The following ZCCHC24 variants were observed in gnomAD, a reference collection of about 807,000 sequenced individuals.
ZCCHC24 encodes zinc finger CCHC-type containing 24.
Under a neutral mutation model 26.2 loss-of-function variants are expected in ZCCHC24, and 10 were observed. The observed-to-expected ratio is 0.38, with a 90% CI of 0.24 to 0.65. The LOEUF (loss-of-function observed/expected upper bound fraction) is 0.65, where lower values mean the gene tolerates loss of function less well. ZCCHC24 is among the 30% of genes least tolerant of loss of function. The pLI is 0.54. For missense variants in ZCCHC24, 243 were observed against 329.1 expected (o/e 0.74, Z 2.03); for synonymous variants, 144 against 147.1 (o/e 0.98, Z 0.15).
At chr10:79,416,694 T>TTTTTTGCAC (rs1422727790) in intron 2 of ZCCHC24, among the ~76,000 whole-genome samples, 1 of 152,106 alleles carries the variant, frequency 6.6e-6, no homozygotes, top group Non-Finnish European at 1.5e-5. Context: ...TTTTTGCACA[T>TTTTTTGCAC]ATTTATGACA....
rs910722393 is a variant in ZCCHC24, at chr10:79,422,946, G to A, written c.447+9612C>T. Among the ~76,000 whole-genome samples the A allele has an allele frequency of 5.3e-5, 8 of 152,144 alleles. No homozygotes were observed. The East Asian group carries it at 9.6e-4, about 18-fold the overall frequency. On this transcript the variant is annotated intron_variant, in intron 2 of 3. Coordinates refer to ENST00000372336, the MANE Select transcript of ZCCHC24 (RefSeq NM_153367.4). ...CTGGGCATGGCTGGGCCTGACAGCC[G>A]TGAAGGGCAAAGAGACAGCTTAGGA...
intron 1 of ZCCHC24, among the ~76,000 whole-genome samples, chr10:79,437,732 A>G (rs930805779): frequency 4.6e-5 from 7 of 152,224 alleles, no homozygotes; most frequent in African/African-American, 1.7e-4. Flanking sequence ...GGCCCTGGGC[A>G]TGGTGGTTCT....
intron 3 of ZCCHC24, among the ~76,000 whole-genome samples, chr10:79,391,154 C>T (rs1470996776): frequency 2.0e-5 from 3 of 152,152 alleles, no homozygotes; most frequent in Non-Finnish European, 4.4e-5. Flanking sequence ...ACAGTAGGTG[C>T]TCAACAGTGG....
At chr10:79,386,910 G>C (rs1856405416) in intron 3 of ZCCHC24, among the ~76,000 whole-genome samples, 1 of 152,156 alleles carries the variant, frequency 6.6e-6, no homozygotes, top group African/African-American at 2.4e-5. Flanking sequence ...CAGCCTGTCA[G>C]ATGAGGAAAC....
intron 2 of ZCCHC24, among the ~76,000 whole-genome samples, chr10:79,413,779 T>TGAGAGAGA (rs35633486): frequency 1.4e-5 from 2 of 146,672 alleles, no homozygotes; most frequent in African/African-American, 5.0e-5. Flanking sequence ...TGTGTGTGTG[T>TGAGAGAGA]GAGAGAGAGA....
At chr10:79,392,936 G>T (rs1856498935) in intron 3 of ZCCHC24, among the ~76,000 whole-genome samples, 1 of 152,140 alleles carries the variant, frequency 6.6e-6, no homozygotes, top group African/African-American at 2.4e-5. Flanking sequence ...CTCCTCTGTG[G>T]TCTCTATACC....
chr10:79,413,760 A>ATGTG (rs142243601), intron 2 of ZCCHC24, among the ~76,000 whole-genome samples: 29,625 of 144,072 alleles, frequency 0.21, 2,993 homozygotes, highest in Non-Finnish European at 0.22. Flanking sequence ...GTGCGTGCGC[A>ATGTG]TGTGTGTGTG....
In ZCCHC24 at chr10:79,444,041, C is replaced by A. The variant is rs567359094; in HGVS notation, c.246+1154G>T. The A allele has an allele frequency of 1.8e-4, 264 of 1,503,940 alleles. 4 individuals carry two copies. In the South Asian group the frequency reaches 3.3e-3, roughly 19 times the overall value. The allele number at this position is 1,503,940 out of a possible 1,614,324, so 93.2% of individuals were successfully genotyped here. A position where few individuals can be genotyped will look rare whatever the true frequency, so the allele number is the denominator to read the frequency against. Reference sequence around the variant, plus strand: ...CCTCCCTCTCTTACCCCCAGCACACCCTTGCGTACATAGGCTTTCCTCCCC... The same window carrying A: ...CCTCCCTCTCTTACCCCCAGCACACACTTGCGTACATAGGCTTTCCTCCCC... On this transcript the variant is annotated intron_variant, in intron 1 of 3. Coordinates refer to ENST00000372336, the MANE Select transcript of ZCCHC24 (RefSeq NM_153367.4).
intron 3 of ZCCHC24, among the ~76,000 whole-genome samples, chr10:79,391,666 C>G (rs1455324857): frequency 6.6e-6 from 1 of 151,944 alleles, no homozygotes; most frequent in Non-Finnish European, 1.5e-5. Flanking sequence ...TCCTCCCCTG[C>G]TCCCTCCCAG....
chr10:79,407,809 C>T (rs185541966), intron 2 of ZCCHC24, among the ~76,000 whole-genome samples: 114 of 152,320 alleles, frequency 7.5e-4, no homozygotes, highest in Non-Finnish European at 1.4e-3. Context: ...GGTTGCAGGA[C>T]AGTGAGGCTG....
At chr10:79,387,947 G>T (rs955234285) in intron 3 of ZCCHC24, among the ~76,000 whole-genome samples, 8 of 152,168 alleles carry the variant, frequency 5.3e-5, no homozygotes, top group African/African-American at 1.9e-4. Context: ...AGGCCTGGAG[G>T]GAAAGACAGG....
rs1246259624 is a variant in ZCCHC24, at chr10:79,432,663, G to A, written c.342C>T (p.Asp114=). The A allele has an allele frequency of 6.2e-7, 1 of 1,609,838 alleles. No homozygotes were observed. Among genetic ancestry groups the A allele is most frequent in the Non-Finnish European group, 8.5e-7 (1 of 1,178,416 alleles). ...GLSSLTEHFS[D]LTLTSEARKP... ...TGCGAGCCTCGGAGGTGAGGGTCAG[G>A]TCTGAGAAGTGCTCGGTGAGGGAGC... Residue 114 remains aspartate, a synonymous_variant, in exon 2 of 4, where the codon GAC becomes GAT. Coordinates refer to ENST00000372336, the MANE Select transcript of ZCCHC24 (RefSeq NM_153367.4).
intron 1 of ZCCHC24, among the ~76,000 whole-genome samples, chr10:79,441,503 T>G (rs1387228033): frequency 2.6e-5 from 4 of 151,410 alleles, no homozygotes. Flanking sequence ...TTCCTAAAGG[T>G]TGGAACTATC....
intron 2 of ZCCHC24, among the ~76,000 whole-genome samples, chr10:79,412,187 C>T (rs568503622): frequency 6.6e-6 from 1 of 152,336 alleles, no homozygotes; most frequent in African/African-American, 2.4e-5. Context: ...GCGAGCGGAA[C>T]GCACCGTGGC....
chr10:79,396,282 T>A (rs1856545789), intron 2 of ZCCHC24, among the ~76,000 whole-genome samples: 1 of 152,232 alleles, frequency 6.6e-6, no homozygotes, highest in Admixed American at 6.5e-5. Flanking sequence ...GTTTCTAATG[T>A]TTGACTATTA....
At chr10:79,414,814 C>CA (rs1044058774) in intron 2 of ZCCHC24, among the ~76,000 whole-genome samples, 13 of 151,892 alleles carry the variant, frequency 8.6e-5, no homozygotes, top group Admixed American at 5.2e-4. Flanking sequence ...AAACCAAAAC[C>CA]AAAAAAAACC....
chr10:79,442,337 G>T (rs992036945), intron 1 of ZCCHC24, among the ~76,000 whole-genome samples: 2 of 152,188 alleles, frequency 1.3e-5, no homozygotes, highest in Non-Finnish European at 2.9e-5. Context: ...ACTCTGGTGT[G>T]AACTCTGCCA....
Position 79,386,407 on chromosome 10 carries a change from G to A in ZCCHC24, c.664C>T (p.His222Tyr). ...GLDVSDQSKE[H>Y]PQHLCEKCKV... ...CACTTCTCGCAGAGGTGCTGCGGGT[G>A]CTCCTTGCTCTGGTCGGACACGTCC... Residue 222 changes from histidine to tyrosine, a missense_variant, in exon 4 of 4, where the codon CAC becomes TAC. Physicochemically the swap from His to Tyr is moderately conservative, Grantham distance 83. Transcript: ENST00000372336. The A allele has an allele frequency of 6.2e-7, 1 of 1,610,994 alleles. No homozygotes were observed. The highest frequency in any genetic ancestry group is 8.5e-7 in the Non-Finnish European group (1 of 1,177,726).
chr10:79,395,032 G>T (rs539302349), intron 2 of ZCCHC24, among the ~76,000 whole-genome samples: 1 of 152,052 alleles, frequency 6.6e-6, no homozygotes, highest in African/African-American at 2.4e-5. Flanking sequence ...TATCCATCTG[G>T]TTCTGCATCT....
Sources: allele counts gnomAD v4.1 joint callset (sites outside exome capture counted in the v4.1 genomes callset), GRCh38; gene constraint gnomAD v4.1.1; transcripts MANE v1.5; gene names NCBI Gene and HGNC (gene_info 2026-07-23, HGNC 2026-07-21).